PRUNE2: variants seen among roughly 807,000 people sequenced by gnomAD.
PRUNE2 encodes prune homolog 2 with BCH domain.
A neutral mutation model predicts 252.0 loss-of-function variants in PRUNE2; 164 were observed. The ratio of observed to expected loss-of-function variants is 0.65; its 90% CI spans 0.57 to 0.74. PRUNE2 has a LOEUF of 0.74. Ranked by LOEUF, PRUNE2 falls within the 30% of genes least tolerant of loss-of-function variation. The probability of loss-of-function intolerance (pLI) is 0.00; values close to 1 mark genes in which losing one functional copy is unlikely to be tolerated. For missense variants in PRUNE2, 3,495 were observed against 3,711.0 expected, an observed-to-expected ratio of 0.94 and a Z score of 1.51; for synonymous variants, 1,292 against 1,350.2, an observed-to-expected ratio of 0.96 and a Z score of 0.94.
chr9:76,628,968 C>A (rs1836198105), intron 16 of PRUNE2, among the ~76,000 whole-genome samples: 1 of 152,222 alleles, frequency 6.6e-6, no homozygotes, highest in East Asian at 1.9e-4. Context: ...TCTCAGCCCC[C>A]TGAATAGCTG....
At chr9:76,896,816 T>G (rs2062851996) in intron 1 of PRUNE2, among the ~76,000 whole-genome samples, 1 of 151,968 alleles carries the variant, frequency 6.6e-6, no homozygotes, top group Admixed American at 6.6e-5. Context: ...AATAAGAGAG[T>G]GGCAACAGTG....
chr9:76,750,698 A>G (rs919082595), intron 6 of PRUNE2, among the ~76,000 whole-genome samples: 2 of 152,218 alleles, frequency 1.3e-5, no homozygotes, highest in Non-Finnish European at 2.9e-5. Flanking sequence ...AAAAGGAGGT[A>G]CTGAACTAAG....
intron 10 of PRUNE2, among the ~76,000 whole-genome samples, chr9:76,653,361 A>G (rs1359524264): frequency 6.6e-6 from 1 of 152,162 alleles, no homozygotes; most frequent in Non-Finnish European, 1.5e-5. Flanking sequence ...AAAATGGTGT[A>G]GTGTTGACAT....
intron 1 of PRUNE2, among the ~76,000 whole-genome samples, chr9:76,878,261 G>A (rs928882954): frequency 2.0e-5 from 3 of 152,190 alleles, no homozygotes; most frequent in Non-Finnish European, 4.4e-5. Flanking sequence ...AAGAGCAGGT[G>A]GAAGAGTCCA....
At chr9:76,673,634 A>G (rs1391211076) in intron 9 of PRUNE2, among the ~76,000 whole-genome samples, 2 of 150,476 alleles carry the variant, frequency 1.3e-5, no homozygotes, top group Non-Finnish European at 3.0e-5. Context: ...TCTTTGATGA[A>G]CATTGATGCA....
intron 6 of PRUNE2, among the ~76,000 whole-genome samples, chr9:76,744,330 G>C (rs796807841): frequency 2.4e-4 from 37 of 152,358 alleles, no homozygotes; most frequent in African/African-American, 8.4e-4. Context: ...CCTTCCAGAA[G>C]AGAGAGTGGA....
intron 6 of PRUNE2, among the ~76,000 whole-genome samples, chr9:76,774,731 T>C (rs1415742795): frequency 6.6e-6 from 1 of 152,072 alleles, no homozygotes; most frequent in African/African-American, 2.4e-5. Context: ...AGTGCTGGGA[T>C]TACAAGTGTG....
intron 5 of PRUNE2, 90 bp from the exon 6 acceptor site, chr9:76,823,816 T>G: frequency 1.3e-6 from 1 of 750,642 alleles, no homozygotes; most frequent in South Asian, 1.7e-5. Flanking sequence ...ATTTACTCTG[T>G]AAATTTCATT....
At chr9:76,750,859 T>G (rs999886591) in intron 6 of PRUNE2, among the ~76,000 whole-genome samples, 3 of 152,138 alleles carry the variant, frequency 2.0e-5, no homozygotes, top group Non-Finnish European at 4.4e-5. Context: ...GGCTTACAAA[T>G]ATAATTGGGA....
At chr9:76,837,938 A>AT (rs1253516813) in intron 4 of PRUNE2, among the ~76,000 whole-genome samples, 1 of 151,486 alleles carries the variant, frequency 6.6e-6, no homozygotes. Context: ...CGCCCAGCTA[A>AT]TTTTTTGTAT....
In PRUNE2 at chr9:76,897,501, C is replaced by T. The variant is rs565606929; in HGVS notation, c.36+8427G>A. Among the ~76,000 whole-genome samples the T allele has an allele frequency of 3.4e-5, 5 of 147,620 alleles. No homozygotes were observed. In the East Asian group the frequency reaches 8.2e-4, roughly 24 times the overall value. On this transcript the variant is annotated intron_variant, in intron 1 of 18. Coordinates refer to ENST00000376718, the MANE Select transcript of PRUNE2 (RefSeq NM_015225.3). ...TGATCTCGGCTCACTGCAACCTCCA[C>T]CTCCCTGGTTCAAGCAATTCCCCTG...
chr9:76,708,870 T>C lies in PRUNE2; in HGVS notation c.3404A>G (p.Asp1135Gly), dbSNP rs375235649. The change falls in exon 8 of 19, where the codon GAT becomes GGT. Residue 1135 changes from aspartate (D) to glycine (G), a missense_variant. Asp to Gly is a moderately conservative substitution (Grantham distance 94). Coordinates refer to ENST00000376718, the MANE Select transcript of PRUNE2 (RefSeq NM_015225.3). ...CCCACTGCAGTCATCCCAGTCCAAA[T>C]CATTGTCCATATCTGAGATCGTTGC... Reference protein sequence around the residue: ...STATISDMDNDLDWDDCSGGA... With the variant: ...STATISDMDNGLDWDDCSGGA... 10 of 1,613,822 alleles carry C rather than the reference T, an allele frequency of 6.2e-6. No homozygotes were observed. Among genetic ancestry groups the C allele is most frequent in the African/African-American group, 1.3e-5 (1 of 74,898 alleles).
At chr9:76,875,789 A>T (rs372500953) in intron 1 of PRUNE2, among the ~76,000 whole-genome samples, 4 of 152,234 alleles carry the variant, frequency 2.6e-5, no homozygotes, top group African/African-American at 9.6e-5. Flanking sequence ...GGTTCTCTCA[A>T]CACCCAAGTC....
At chr9:76,694,338 A>T (rs1327389057) in intron 9 of PRUNE2, among the ~76,000 whole-genome samples, 1 of 152,056 alleles carries the variant, frequency 6.6e-6, no homozygotes, top group Non-Finnish European at 1.5e-5. Flanking sequence ...ATGTGTCACC[A>T]TGCCCAACTA....
rs763624808 is a variant in PRUNE2, at chr9:76,831,398, A to G, written c.509-4666T>C. Among the ~76,000 whole-genome samples, 80 of 152,308 alleles carry G rather than the reference A, an allele frequency of 5.3e-4. 1 individual carries two copies. The highest frequency in any genetic ancestry group is 2.3e-3 in the South Asian group (11 of 4,828). ...AAAAGAAAAACATTGGACAATGTAA[A>G]TATGTGGGTAAGAATAAATTCAATA... On this transcript the variant is annotated intron_variant, in intron 4 of 18. Transcript: ENST00000376718.
At chr9:76,775,799 C>T (rs578001372) in intron 6 of PRUNE2, among the ~76,000 whole-genome samples, 6 of 152,358 alleles carry the variant, frequency 3.9e-5, no homozygotes, top group Admixed American at 2.6e-4. Flanking sequence ...ATTGCTCACC[C>T]GGCCTTCATG....
At chr9:76,738,522 A>G (rs2049282607) in intron 6 of PRUNE2, 1 of 152,198 alleles carries the variant, frequency 6.6e-6, no homozygotes, top group African/African-American at 2.4e-5. Flanking sequence ...TCAGAAAAAC[A>G]TTTAGAGATT....
chr9:76,723,307 G>A (rs915501165), intron 6 of PRUNE2, among the ~76,000 whole-genome samples: 13 of 152,158 alleles, frequency 8.5e-5, no homozygotes, highest in Non-Finnish European at 1.3e-4. Flanking sequence ...GTATCCTCAC[G>A]TAGACTTTCT....
intron 4 of PRUNE2, among the ~76,000 whole-genome samples, chr9:76,833,940 G>A (rs1164862955): frequency 6.8e-6 from 1 of 147,578 alleles, no homozygotes; most frequent in Non-Finnish European, 1.5e-5. Flanking sequence ...GGAGTGCAGT[G>A]GCTGCAATCT....
Sources: gnomAD v4.1 joint callset for allele counts (sites outside exome capture counted in the v4.1 genomes callset) on GRCh38, gnomAD v4.1.1 for gene constraint, MANE v1.5 for transcripts, NCBI Gene and HGNC (gene_info 2026-07-23, HGNC 2026-07-21) for gene names.